Variants in SCFD2 observed in about 807,000 individuals in gnomAD.
SCFD2 encodes the protein sec1 family domain containing 2.
In SCFD2, 54 loss-of-function variants were observed where a neutral mutation model predicts 58.9. The ratio of observed to expected loss-of-function variants is 0.92; its 90% CI spans 0.74 to 1.15. The LOEUF is 1.15. SCFD2 is among the 50% of genes most tolerant of loss of function. SCFD2 has a pLI of 0.00. For synonymous variants in SCFD2, 321 were observed against 335.9 expected (o/e 0.96, Z 0.49); for missense variants, 805 against 836.6 (o/e 0.96, Z 0.47).
chr4:52,910,220 T>C (rs1020870374), intron 6 of SCFD2, among the ~76,000 whole-genome samples: 3 of 152,220 alleles, frequency 2.0e-5, no homozygotes, highest in Non-Finnish European at 4.4e-5. Flanking sequence ...TTCAGAAGTC[T>C]CCTTTTTAAA....
At chr4:52,978,472 G>T (rs577894572) in intron 5 of SCFD2, among the ~76,000 whole-genome samples, 1 of 152,240 alleles carries the variant, frequency 6.6e-6, no homozygotes, top group East Asian at 1.9e-4. Context: ...GGGTTGTTGT[G>T]ACTATTACAT....
chr4:53,222,627 ATT>A (rs11300357), intron 4 of SCFD2, among the ~76,000 whole-genome samples: 5 of 151,268 alleles, frequency 3.3e-5, no homozygotes, highest in African/African-American at 9.7e-5. Context: ...TCCAAATAGC[ATT>A]TTTTTTTTCA....
intron 5 of SCFD2, among the ~76,000 whole-genome samples, chr4:53,072,578 G>C (rs187928523): frequency 9.7e-4 from 147 of 152,142 alleles, no homozygotes; most frequent in African/African-American, 3.3e-3. Flanking sequence ...AAAGATTAGG[G>C]GGGGGAAAGC....
chr4:53,108,163 T>C (rs140694146), intron 5 of SCFD2, among the ~76,000 whole-genome samples: 1,587 of 152,256 alleles, frequency 0.01, 25 homozygotes, highest in African/African-American at 0.033. Context: ...AAATAAGTTC[T>C]TTGAAATCAA....
At chr4:52,994,882 C>T (rs1394014791) in intron 5 of SCFD2, among the ~76,000 whole-genome samples, 1 of 152,022 alleles carries the variant, frequency 6.6e-6, no homozygotes, top group South Asian at 2.1e-4. Flanking sequence ...CTTGCAAACA[C>T]CTACTATGTT....
intron 5 of SCFD2, among the ~76,000 whole-genome samples, chr4:53,023,347 ATCAGTT>A (rs1722395331): frequency 6.6e-6 from 1 of 152,112 alleles, no homozygotes; most frequent in Admixed American, 6.6e-5. Context: ...AAACTTGGAT[ATCAGTT>A]TCCAAAGGTA....
At chr4:52,910,721 C>T (rs1297843528) in intron 6 of SCFD2, among the ~76,000 whole-genome samples, 2 of 152,120 alleles carry the variant, frequency 1.3e-5, no homozygotes, top group Admixed American at 1.3e-4. Flanking sequence ...CTCCCATAAT[C>T]CCCACATGCA....
At chr4:53,332,079 C>A (rs533608380) in intron 2 of SCFD2, among the ~76,000 whole-genome samples, 7 of 152,020 alleles carry the variant, frequency 4.6e-5, no homozygotes, top group East Asian at 3.9e-4. Flanking sequence ...GACCAATAAC[C>A]GGAGCTGAAA....
chr4:53,111,218 G>T (rs1725164081), intron 5 of SCFD2, among the ~76,000 whole-genome samples: 1 of 152,028 alleles, frequency 6.6e-6, no homozygotes, highest in Non-Finnish European at 1.5e-5. Context: ...GATTGCAATA[G>T]GAGAAATACA....
intron 4 of SCFD2, among the ~76,000 whole-genome samples, chr4:53,208,322 C>G (rs1262195797): frequency 6.6e-6 from 1 of 152,044 alleles, no homozygotes; most frequent in Non-Finnish European, 1.5e-5. Context: ...ACATTGAAAA[C>G]AATAAGCAAG....
chr4:52,978,005 C>A (rs375834500), intron 5 of SCFD2, among the ~76,000 whole-genome samples: 111 of 152,334 alleles, frequency 7.3e-4, no homozygotes, highest in African/African-American at 2.5e-3. Context: ...CTGTGCCCAA[C>A]AGCTCCACAG....
intron 3 of SCFD2, among the ~76,000 whole-genome samples, chr4:53,303,010 C>T (rs1235322889): frequency 6.6e-6 from 1 of 152,008 alleles, no homozygotes; most frequent in Non-Finnish European, 1.5e-5. Flanking sequence ...AGAAGAAAAC[C>T]TAGGCAATAC....
intron 5 of SCFD2, among the ~76,000 whole-genome samples, chr4:52,978,787 C>T (rs1400560798): frequency 6.6e-6 from 1 of 152,054 alleles, no homozygotes; most frequent in Non-Finnish European, 1.5e-5. Flanking sequence ...TCAAGGCATT[C>T]ACAACTCTGG....
chr4:53,261,254 A>G (rs1313517634), intron 4 of SCFD2, among the ~76,000 whole-genome samples: 1 of 151,422 alleles, frequency 6.6e-6, no homozygotes, highest in Non-Finnish European at 1.5e-5. Flanking sequence ...GATCTTTGTT[A>G]TGTCTTTTCT....
At chr4:53,326,671 T>A (rs1350392757) in intron 2 of SCFD2, among the ~76,000 whole-genome samples, 1 of 152,186 alleles carries the variant, frequency 6.6e-6, no homozygotes, top group African/African-American at 2.4e-5. Context: ...TCCTAGAAGA[T>A]ATGCAGTCTT....
At chr4:53,209,891 C>A (rs186334295) in intron 4 of SCFD2, among the ~76,000 whole-genome samples, 338 of 152,064 alleles carry the variant, frequency 2.2e-3, no homozygotes, top group Non-Finnish European at 4.1e-3. Context: ...CCTAGCACTA[C>A]ACCAAAATTT....
chr4:53,247,881 A>AT (rs1560409246), intron 4 of SCFD2, among the ~76,000 whole-genome samples: 1 of 151,114 alleles, frequency 6.6e-6, no homozygotes, highest in Non-Finnish European at 1.5e-5. Flanking sequence ...AAAAAAAAAA[A>AT]AAAAAAAAAA....
At chr4:52,906,029 C>G (rs1719339987) in intron 7 of SCFD2, among the ~76,000 whole-genome samples, 1 of 152,188 alleles carries the variant, frequency 6.6e-6, no homozygotes, top group African/African-American at 2.4e-5. Context: ...GTTTCTGGAA[C>G]ATATTTGATC....
At chr4:53,151,463 A>T (rs929054105) in intron 4 of SCFD2, among the ~76,000 whole-genome samples, 1 of 152,140 alleles carries the variant, frequency 6.6e-6, no homozygotes, top group African/African-American at 2.4e-5. Flanking sequence ...CCTCTGTAAA[A>T]TATGTGTTTT....
Sources: allele counts gnomAD v4.1 joint callset (sites outside exome capture counted in the v4.1 genomes callset), GRCh38; gene constraint gnomAD v4.1.1; transcripts MANE v1.5; gene names NCBI Gene and HGNC (gene_info 2026-07-23, HGNC 2026-07-21).